The following MGAT4C variants were observed in gnomAD, a reference collection of about 807,000 sequenced individuals.
MGAT4C encodes the protein alpha-1,3-mannosyl-glycoprotein 4-beta-N-acetylglucosaminyltransferase C.
Under a neutral mutation model 40.1 loss-of-function variants are expected in MGAT4C, and 19 were observed. The ratio of observed to expected loss-of-function variants is 0.47; its 90% CI spans 0.33 to 0.70. The LOEUF is 0.70. Among genes scored for constraint, MGAT4C ranks in the 30% least tolerant of loss-of-function variants. The probability of loss-of-function intolerance (pLI) is 0.02; values close to 1 mark genes in which losing one functional copy is unlikely to be tolerated. For synonymous variants in MGAT4C, 181 were observed against 187.1 expected (o/e 0.97, Z 0.27); for missense variants, 491 against 563.2 (o/e 0.87, Z 1.30).
At chr12:86,516,692 T>C (rs1958694604) in intron 2 of MGAT4C, among the ~76,000 whole-genome samples, 1 of 152,074 alleles carries the variant, frequency 6.6e-6, no homozygotes, top group Admixed American at 6.5e-5. Context: ...AGCCACAAAA[T>C]AGGAGAAAAT....
intron 2 of MGAT4C, among the ~76,000 whole-genome samples, chr12:86,629,555 C>T (rs1174564268): frequency 3.3e-5 from 5 of 152,214 alleles, no homozygotes; most frequent in African/African-American, 4.8e-5. Flanking sequence ...CAAACTGTCT[C>T]TCAGACCACA....
intron 2 of MGAT4C, among the ~76,000 whole-genome samples, chr12:86,490,557 A>T (rs2136322436): frequency 6.6e-6 from 1 of 152,254 alleles, no homozygotes; most frequent in East Asian, 1.9e-4. Flanking sequence ...TGACAGGATC[A>T]AATTCACACA....
intron 1 of MGAT4C, among the ~76,000 whole-genome samples, chr12:86,127,404 T>C (rs543140983): frequency 1.3e-5 from 2 of 152,312 alleles, no homozygotes; most frequent in East Asian, 3.9e-4. Flanking sequence ...GGACTGGAAG[T>C]TGCTCTGAGT....
rs375109088 is a variant in MGAT4C, at chr12:86,366,372, A to C, written c.-119-32245T>G. 6.8e-4 allele frequency among the ~76,000 whole-genome samples: 104 copies of C among 152,210 alleles called. 2 individuals are homozygous for C. Among genetic ancestry groups the C allele is most frequent in the African/African-American group, 2.4e-3 (100 of 41,548 alleles). ...GTCTTTTCCTATTTGTATGCCTTTT[A>C]TTTCTTTCTTTTGCCTGATTGCTTT... is the stretch of plus-strand genomic sequence containing the variant. On this transcript the variant is annotated intron_variant, in intron 3 of 7. Transcript: ENST00000548651.
chr12:86,682,035 T>G, intron 2 of MGAT4C, among the ~76,000 whole-genome samples: 1 of 152,054 alleles, frequency 6.6e-6, no homozygotes, highest in South Asian at 2.1e-4. Flanking sequence ...CACCCCAAAG[T>G]AATCTCCAGT....
chr12:86,622,276 C>G (rs1962663074), intron 2 of MGAT4C, among the ~76,000 whole-genome samples: 1 of 151,994 alleles, frequency 6.6e-6, no homozygotes, highest in Non-Finnish European at 1.5e-5. Flanking sequence ...GGAGTATAGG[C>G]AGCAAAAGTC....
chr12:86,161,238 C>T (rs1593109642), intron 1 of MGAT4C, among the ~76,000 whole-genome samples: 1 of 152,102 alleles, frequency 6.6e-6, no homozygotes, highest in African/African-American at 2.4e-5. Flanking sequence ...TCAGCTATCA[C>T]AGTACTTGAC....
chr12:86,091,145 A>G (rs1041147875), intron 1 of MGAT4C, among the ~76,000 whole-genome samples: 1 of 152,024 alleles, frequency 6.6e-6, no homozygotes, highest in Admixed American at 6.6e-5. Context: ...GAGCTTCAGT[A>G]GAAATATTTT....
chr12:86,394,985 T>C (rs1284649178), intron 3 of MGAT4C, among the ~76,000 whole-genome samples: 1 of 152,082 alleles, frequency 6.6e-6, no homozygotes, highest in Non-Finnish European at 1.5e-5. Context: ...CAGAAGTACA[T>C]TTATGAGTCC....
intron 2 of MGAT4C, among the ~76,000 whole-genome samples, chr12:86,721,421 C>T (rs1307457337): frequency 6.7e-6 from 1 of 150,316 alleles, no homozygotes; most frequent in Non-Finnish European, 1.5e-5. Context: ...AGAAATGCAC[C>T]ATAAGAAAAA....
intron 2 of MGAT4C, among the ~76,000 whole-genome samples, chr12:86,457,036 C>T (rs1277243909): frequency 6.6e-6 from 1 of 151,970 alleles, no homozygotes; most frequent in Non-Finnish European, 1.5e-5. Flanking sequence ...CCAGGACGTC[C>T]CTATTTCAAG....
intron 2 of MGAT4C, among the ~76,000 whole-genome samples, chr12:86,571,615 G>C (rs183240392): frequency 6.6e-6 from 1 of 152,186 alleles, no homozygotes; most frequent in East Asian, 1.9e-4. Flanking sequence ...CTGTGTGTGT[G>C]TATGTGTGTG....
Position 86,774,348 on chromosome 12 carries a change from TCTCTCCCC to T in MGAT4C, c.-261-47115_-261-47108del, listed in dbSNP as rs1565981729. ...CTTTCTTTCTTTCTTTCTGTCTCTC[TCTCTCCCC>T]TCTCTCTCTCTCTCTTTCTGTCTGT... On this transcript the variant is annotated intron_variant, in intron 1 of 7. Transcript: ENST00000548651. Among the ~76,000 whole-genome samples the T allele has an allele frequency of 4.3e-3, 272 of 63,374 alleles. 10 individuals are homozygous for T. Among genetic ancestry groups the T allele is most frequent in the South Asian group, 9.4e-3 (15 of 1,602 alleles). The allele number at this position is 63,374 out of a possible 152,430, so 41.6% of individuals were successfully genotyped here.
chr12:86,154,906 G>A (rs1884739249), intron 1 of MGAT4C, among the ~76,000 whole-genome samples: 1 of 152,102 alleles, frequency 6.6e-6, no homozygotes, highest in Admixed American at 6.5e-5. Context: ...TGTCCATGGA[G>A]CTCATATTAC....
intron 1 of MGAT4C, among the ~76,000 whole-genome samples, chr12:86,222,224 T>C (rs1220653592): frequency 6.6e-6 from 1 of 152,172 alleles, no homozygotes; most frequent in Non-Finnish European, 1.5e-5. Context: ...ACAATACAGA[T>C]CACAAAGAAT....
At chr12:86,461,048 C>A (rs1957590453) in intron 2 of MGAT4C, among the ~76,000 whole-genome samples, 1 of 151,902 alleles carries the variant, frequency 6.6e-6, no homozygotes, top group African/African-American at 2.4e-5. Context: ...TGCTTCATGG[C>A]CTTTTCATGT....
At chr12:86,526,966 G>A (rs554304500) in intron 2 of MGAT4C, among the ~76,000 whole-genome samples, 4 of 152,162 alleles carry the variant, frequency 2.6e-5, no homozygotes, top group Admixed American at 6.6e-5. Flanking sequence ...GGCCAGGAAC[G>A]AGTCCCAGTG....
intron 1 of MGAT4C, among the ~76,000 whole-genome samples, chr12:86,105,379 T>A (rs1025788244): frequency 1.3e-5 from 2 of 152,130 alleles, no homozygotes; most frequent in East Asian, 3.9e-4. Context: ...AAGTATATCA[T>A]CTTATAGGAA....
intron 1 of MGAT4C, among the ~76,000 whole-genome samples, chr12:86,112,702 G>A (rs924840885): frequency 2.0e-5 from 3 of 151,780 alleles, no homozygotes; most frequent in Non-Finnish European, 2.9e-5. Flanking sequence ...ACGATTGTGG[G>A]TTATAGTAGC....
Sources: gnomAD v4.1 joint callset for allele counts (sites outside exome capture counted in the v4.1 genomes callset) on GRCh38, gnomAD v4.1.1 for gene constraint, MANE v1.5 for transcripts, NCBI Gene and HGNC (gene_info 2026-07-23, HGNC 2026-07-21) for gene names.